The following SPTLC3 variants were observed in gnomAD, a reference collection of about 807,000 sequenced individuals.
SPTLC3 encodes the protein serine palmitoyltransferase 3.
A neutral mutation model predicts 59.3 loss-of-function variants in SPTLC3; 36 were observed. The ratio of observed to expected loss-of-function variants is 0.61; its 90% CI spans 0.47 to 0.80. The LOEUF (loss-of-function observed/expected upper bound fraction) is 0.80. Among genes scored for constraint, SPTLC3 ranks in the 30% least tolerant of loss-of-function variants. The pLI is 0.00. For synonymous variants in SPTLC3, 257 were observed against 240.8 expected, an observed-to-expected ratio of 1.07 and a Z score of -0.62; for missense variants, 625 against 685.1, an observed-to-expected ratio of 0.91 and a Z score of 0.98.
chr20:13,037,396 A>G (rs1986782070), intron 1 of SPTLC3, among the ~76,000 whole-genome samples: 1 of 152,232 alleles, frequency 6.6e-6, no homozygotes, highest in Non-Finnish European at 1.5e-5. Flanking sequence ...TAGACAATCA[A>G]CAGTCTGCAT....
chr20:13,130,962 A>C (rs576392409), intron 9 of SPTLC3, among the ~76,000 whole-genome samples: 1 of 152,286 alleles, frequency 6.6e-6, no homozygotes, highest in Admixed American at 6.5e-5. Flanking sequence ...ATCTCATAGG[A>C]CTGGGAGCTG....
At chr20:13,158,754 GGGT>G (rs1404231969) in intron 10 of SPTLC3, among the ~76,000 whole-genome samples, 10 of 152,160 alleles carry the variant, frequency 6.6e-5, no homozygotes, top group African/African-American at 9.7e-5. Flanking sequence ...TGTGTCTTGT[GGGT>G]CCTGCAGTCT....
chr20:13,031,169 C>T (rs548352210), intron 1 of SPTLC3, among the ~76,000 whole-genome samples: 1 of 152,282 alleles, frequency 6.6e-6, no homozygotes, highest in South Asian at 2.1e-4. Flanking sequence ...AATTTGCCAA[C>T]TTCTGGACAA....
rs188228818 is a variant in SPTLC3, at chr20:13,104,595, C to G, written c.827-5517C>G. The stretch of plus-strand genomic sequence containing the variant: ...AAAATGGACTAATACACCACCAAAC[C>G]AGCTCAATCCTTTTAGTCCTCTACA... On this transcript the variant is annotated intron_variant, in intron 6 of 11. Coordinates refer to ENST00000399002, the MANE Select transcript of SPTLC3 (RefSeq NM_018327.4). 4.6e-5 allele frequency among the ~76,000 whole-genome samples: 7 copies of G among 152,192 alleles called. No individual in the cohort carries two copies. In the East Asian group the frequency reaches 1.4e-3, roughly 29 times the overall value.
At chr20:13,079,125 A>T (rs1255825279) in intron 4 of SPTLC3, among the ~76,000 whole-genome samples, 1 of 152,188 alleles carries the variant, frequency 6.6e-6, no homozygotes, top group Non-Finnish European at 1.5e-5. Flanking sequence ...AACAGAAGAC[A>T]TTTATAAAAA....
intron 9 of SPTLC3, among the ~76,000 whole-genome samples, chr20:13,146,047 TGAATAAA>T (rs2038502269): frequency 6.6e-6 from 1 of 152,120 alleles, no homozygotes; most frequent in South Asian, 2.1e-4. Context: ...AATGACAGAC[TGAATAAA>T]GAAAATTTGG....
intron 8 of SPTLC3, among the ~76,000 whole-genome samples, chr20:13,123,223 C>G (rs189887472): frequency 3.9e-5 from 6 of 151,938 alleles, no homozygotes; most frequent in Non-Finnish European, 7.4e-5. Context: ...CCCAGCTACT[C>G]GGGAGGCTGA....
chr20:13,103,255 G>A (rs981000078), intron 6 of SPTLC3, among the ~76,000 whole-genome samples: 13 of 152,096 alleles, frequency 8.5e-5, no homozygotes, highest in South Asian at 2.1e-4. Flanking sequence ...TGTTTCCGCC[G>A]AAAGGCTAAA....
At chr20:13,113,305 G>GT (rs1236905216) in intron 7 of SPTLC3, among the ~76,000 whole-genome samples, 3 of 152,176 alleles carry the variant, frequency 2.0e-5, no homozygotes, top group Admixed American at 6.5e-5. Flanking sequence ...TGCATATCTT[G>GT]TTGGTACCTA....
At chr20:13,045,049 T>C (rs1343499719) in intron 1 of SPTLC3, among the ~76,000 whole-genome samples, 1 of 151,286 alleles carries the variant, frequency 6.6e-6, no homozygotes, top group Non-Finnish European at 1.5e-5. Flanking sequence ...TACTGCACTA[T>C]CAATTCTGGG....
intron 9 of SPTLC3, among the ~76,000 whole-genome samples, chr20:13,129,615 G>A (rs1019860018): frequency 7.9e-5 from 12 of 152,148 alleles, no homozygotes; most frequent in South Asian, 2.1e-4. Flanking sequence ...ACTCATTTCC[G>A]GAGTCCTTTG....
intron 6 of SPTLC3, among the ~76,000 whole-genome samples, chr20:13,099,799 A>G (rs141488941): frequency 6.6e-6 from 1 of 152,318 alleles, no homozygotes; most frequent in African/African-American, 2.4e-5. Context: ...TTAATCCTTC[A>G]TATGCATCCA....
intron 2 of SPTLC3, among the ~76,000 whole-genome samples, chr20:13,067,188 G>A (rs1988256012): frequency 6.6e-6 from 1 of 151,326 alleles, no homozygotes; most frequent in Non-Finnish European, 1.5e-5. Flanking sequence ...CTTGTTATGT[G>A]GACTCTGCAT....
intron 2 of SPTLC3, among the ~76,000 whole-genome samples, chr20:13,069,712 G>T (rs243884): frequency 6.6e-6 from 1 of 151,898 alleles, no homozygotes; most frequent in Non-Finnish European, 1.5e-5. Flanking sequence ...CTCTGTGATT[G>T]TTGTGGCCCC....
In SPTLC3 at chr20:13,154,134, G is replaced by C. The variant is rs761491174; in HGVS notation, c.1411G>C (p.Val471Leu). 6.2e-7 allele frequency: 1 copy of C among 1,614,078 alleles called. No homozygotes were observed. Among genetic ancestry groups the C allele is most frequent in the South Asian group, 1.1e-5 (1 of 91,066 alleles). ...TCTGCTTCTTTATATGCCTGGTAAAGTAGCGTAAGTATCCAAGGCATCTCA... is the reference window on the plus strand; with the variant it reads ...TCTGCTTCTTTATATGCCTGGTAAACTAGCGTAAGTATCCAAGGCATCTCA... ...VPLLLYMPGK[V>L]AAFARHMLEK... The change falls in exon 10 of 12, where the codon GTA (valine) becomes CTA (leucine). Residue 471 changes from valine to leucine, a missense_variant. Transcript: ENST00000399002.
At chr20:13,106,785 T>C (rs1275237446) in intron 6 of SPTLC3, among the ~76,000 whole-genome samples, 1 of 152,188 alleles carries the variant, frequency 6.6e-6, no homozygotes, top group Non-Finnish European at 1.5e-5. Context: ...TTTCTTTTCC[T>C]GTCACTAGCA....
chr20:13,061,342 T>C (rs1987966042), intron 2 of SPTLC3, among the ~76,000 whole-genome samples: 1 of 152,162 alleles, frequency 6.6e-6, no homozygotes, highest in Non-Finnish European at 1.5e-5. Flanking sequence ...TTACTTTGTC[T>C]CACACTTCCT....
intron 7 of SPTLC3, 119 bp from the exon 8 acceptor site, chr20:13,117,387 T>C: frequency 1.0e-6 from 1 of 993,064 alleles, no homozygotes; most frequent in East Asian, 2.6e-5. Context: ...AAAACATGCC[T>C]TCAGAACAAA....
At chr20:13,085,935 C>T (rs1988991821) in intron 4 of SPTLC3, among the ~76,000 whole-genome samples, 1 of 151,748 alleles carries the variant, frequency 6.6e-6, no homozygotes, top group Admixed American at 6.6e-5. Context: ...ATAAATGGAC[C>T]ACCAGGACAA....
Sources: gnomAD v4.1 joint callset for allele counts (sites outside exome capture counted in the v4.1 genomes callset) on GRCh38, gnomAD v4.1.1 for gene constraint, MANE v1.5 for transcripts, NCBI Gene and HGNC (gene_info 2026-07-23, HGNC 2026-07-21) for gene names.